Variants in BCL9 observed in about 807,000 individuals in gnomAD.
BCL9 encodes B-cell CLL/lymphoma 9 protein.
In BCL9, 25 loss-of-function variants were observed where a neutral mutation model predicts 88.5. The ratio of observed to expected loss-of-function variants is 0.28; its 90% CI spans 0.21 to 0.39. BCL9 has a LOEUF of 0.39. Ranked by LOEUF, BCL9 falls within the 10% of genes least tolerant of loss-of-function variation. BCL9 has a pLI of 1.00. For missense variants in BCL9, 1,817 were observed against 1,877.8 expected, an observed-to-expected ratio of 0.97 and a Z score of 0.60; for synonymous variants, 711 against 673.3, an observed-to-expected ratio of 1.06 and a Z score of -0.87.
chr1:147,578,832 C>T (rs587685282), intron 1 of BCL9, among the ~76,000 whole-genome samples: 73 of 151,478 alleles, frequency 4.8e-4, no homozygotes, highest in Non-Finnish European at 5.0e-4. Context: ...GGAAAGGTAC[C>T]CAGACTTGGA....
At chr1:147,598,810 T>C (rs587630401) in intron 1 of BCL9, among the ~76,000 whole-genome samples, 2 of 152,068 alleles carry the variant, frequency 1.3e-5, no homozygotes, top group African/African-American at 4.8e-5. Context: ...GTAACAACAG[T>C]GTATTCTGGG....
At chr1:147,613,230 G>A in intron 5 of BCL9, 31 bp downstream of exon 5, 1 of 1,611,254 alleles carries the variant, frequency 6.2e-7, no homozygotes, top group South Asian at 1.1e-5. Flanking sequence ...AGACTCAGAG[G>A]GAAGTAGGTG....
chr1:147,589,858 A>G (rs1351795517), intron 1 of BCL9, among the ~76,000 whole-genome samples: 3 of 152,242 alleles, frequency 2.0e-5, no homozygotes, highest in African/African-American at 7.2e-5. Flanking sequence ...ACCTAGAAGT[A>G]GAAGTTCTGA....
rs1278284883 is a variant in BCL9, at chr1:147,619,788, C to T, written c.1633C>T (p.Pro545Ser). The T allele has an allele frequency of 3.4e-5, 55 of 1,614,020 alleles. No homozygotes were observed. Among genetic ancestry groups the T allele is most frequent in the Non-Finnish European group, 4.3e-5 (51 of 1,180,028 alleles). Residue 545 changes from proline to serine, a missense_variant, in exon 8 of 10, where the codon CCC becomes TCC. Pro to Ser is a moderately conservative substitution (Grantham distance 74, BLOSUM62 -1). Coordinates refer to ENST00000234739, the MANE Select transcript of BCL9 (RefSeq NM_004326.4). The surrounding 1 kb of genome is among the most constrained non-coding windows in gnomAD (Gnocchi z 4.1). ...SDGINMPHSL[P>S]PRGMAPHPNM... ...TGGTATCAACATGCCACATTCTCTG[C>T]CCCCGAGGGGCATGGCTCCCCACCC...
chr1:147,549,226 C>T (rs1553194564), intron 1 of BCL9, among the ~76,000 whole-genome samples: 2 of 152,106 alleles, frequency 1.3e-5, no homozygotes, highest in Non-Finnish European at 2.9e-5. Context: ...ATCCACCCAC[C>T]TCAACCTCCC....
chr1:147,557,429 C>T (rs1244033600), intron 1 of BCL9, among the ~76,000 whole-genome samples: 2 of 152,164 alleles, frequency 1.3e-5, no homozygotes, highest in African/African-American at 4.8e-5. Flanking sequence ...AGTAAAGCAT[C>T]TTGTATTGAG....
rs1357872532 is a variant in BCL9 at position 147,620,617 on chromosome 1, C to T, written c.2462C>T (p.Pro821Leu). 6.2e-7 allele frequency: 1 copy of T among 1,614,094 alleles called. No individual in the cohort carries two copies. The highest frequency in any genetic ancestry group is 8.5e-7 in the Non-Finnish European group (1 of 1,180,050). The change falls in exon 8 of 10, where the codon CCT becomes CTT. Residue 821 changes from proline (P) to leucine (L), a missense_variant. This residue lies in a region of BCL9 where 1,228 missense variants were observed against 1,191.6 expected (regional missense o/e 1.03). Transcript: ENST00000234739. Reference protein sequence around the residue: ...NSRLSHMPPLPLNPSSNPTSL... With the variant: ...NSRLSHMPPLLLNPSSNPTSL... ...CGGCTCAGTCATATGCCACCACTAC[C>T]TCTCAACCCTTCCAGTAACCCCACC...
chr1:147,594,739 A>G (rs1656976138), intron 1 of BCL9, among the ~76,000 whole-genome samples: 1 of 152,210 alleles, frequency 6.6e-6, no homozygotes, highest in Admixed American at 6.5e-5. Flanking sequence ...CTAAAAAGAG[A>G]TTCAGGGAGG....
At chr1:147,588,818 G>A (rs1359260749) in intron 1 of BCL9, among the ~76,000 whole-genome samples, 1 of 152,196 alleles carries the variant, frequency 6.6e-6, no homozygotes, top group African/African-American at 2.4e-5. Flanking sequence ...ACTCCCTAAT[G>A]CTGATGTGAT....
chr1:147,562,300 G>A (rs1412071780), intron 1 of BCL9, among the ~76,000 whole-genome samples: 3 of 152,064 alleles, frequency 2.0e-5, no homozygotes, highest in African/African-American at 7.2e-5. Context: ...TTGCACTCCA[G>A]ACTGGACAAC....
At position 147,619,616 on chromosome 1, in the gene BCL9, G is replaced by T. The variant is rs782251054; in HGVS notation, c.1461G>T (p.Gln487His). The T allele has an allele frequency of 6.2e-7, 1 of 1,614,118 alleles. No homozygotes were observed. The highest frequency in any genetic ancestry group is 8.5e-7 in the Non-Finnish European group (1 of 1,180,024). Residue 487 changes from glutamine to histidine, a missense_variant, in exon 8 of 10, where the codon CAG (glutamine) becomes CAT (histidine). By Grantham distance (24) the Gln-to-His change is conservative. Transcript: ENST00000234739. This position sits in a 1 kb window ranked among gnomAD's most constrained non-coding sequence, Gnocchi z 4.1. ...TTTATGAAGAGAAGAGGAGGAAGCAGGAACAAGTGGTTGTCCAGCAGTGTT... is the reference window on the plus strand; with the variant it reads ...TTTATGAAGAGAAGAGGAGGAAGCATGAACAAGTGGTTGTCCAGCAGTGTT... ...QEFYEEKRRKQEQVVVQQCSL... is the reference protein window; with the variant it reads ...QEFYEEKRRKHEQVVVQQCSL...
At chr1:147,556,775 AC>A (rs1655134739) in intron 1 of BCL9, among the ~76,000 whole-genome samples, 1 of 152,178 alleles carries the variant, frequency 6.6e-6, no homozygotes, top group South Asian at 2.1e-4. Flanking sequence ...GTGAATGGAG[AC>A]CACAGATTAG....
chr1:147,611,979 T>C (rs1658029341), intron 4 of BCL9, 90 bp downstream of exon 4: 12 of 1,372,976 alleles, frequency 8.7e-6, no homozygotes, highest in Middle Eastern at 1.9e-4. Context: ...GTATGTTGAA[T>C]TAGAAATAAA....
intron 1 of BCL9, among the ~76,000 whole-genome samples, chr1:147,597,894 T>C (rs1263393956): frequency 6.6e-6 from 1 of 152,360 alleles, no homozygotes; most frequent in African/African-American, 2.4e-5. Context: ...CTTTGACACA[T>C]AATGGCTGCA....
At chr1:147,594,358 G>A (rs587680556) in intron 1 of BCL9, among the ~76,000 whole-genome samples, 4 of 152,306 alleles carry the variant, frequency 2.6e-5, no homozygotes, top group African/African-American at 9.6e-5. Context: ...GTTGAGCCAG[G>A]ATTACCACAG....
rs75978004 is a variant in BCL9, at chr1:147,595,602, C to A, written c.-477-9175C>A. On this transcript the variant is annotated intron_variant, in intron 1 of 9. Transcript: ENST00000234739. ...CACTGGTTTATGCCTATAATACTAA[C>A]CCTTTGGTAGGCCAAGGTAGGAGGA... 7.8e-3 allele frequency among the ~76,000 whole-genome samples: 1,180 copies of A among 152,246 alleles called. 47 individuals are homozygous for A. Among genetic ancestry groups the A allele is most frequent in the Admixed American group, 0.062 (951 of 15,288 alleles).
intron 1 of BCL9, among the ~76,000 whole-genome samples, chr1:147,561,727 CAT>C (rs1456495604): frequency 6.6e-6 from 1 of 152,192 alleles, no homozygotes; most frequent in African/African-American, 2.4e-5. Context: ...GGGAGTAAGA[CAT>C]GTACACAGAT....
At chr1:147,613,474 G>C (rs1398572533) in intron 5 of BCL9, among the ~76,000 whole-genome samples, 2 of 152,160 alleles carry the variant, frequency 1.3e-5, no homozygotes, top group Admixed American at 6.5e-5. Flanking sequence ...ATCCCTGTTC[G>C]TACACGTTTC....
At chr1:147,614,137 C>T (rs1658147558) in intron 5 of BCL9, among the ~76,000 whole-genome samples, 1 of 152,132 alleles carries the variant, frequency 6.6e-6, no homozygotes, top group Admixed American at 6.5e-5. Context: ...CTGTGAGATC[C>T]ATCCCCAGTT....
Sources: gnomAD v4.1 joint callset for allele counts (sites outside exome capture counted in the v4.1 genomes callset) on GRCh38, gnomAD v4.1.1 for gene constraint, gnomAD v4.1.1 regional missense constraint, Gnocchi (gnomAD v3.1) non-coding constraint, MANE v1.5 for transcripts, NCBI Gene and HGNC (gene_info 2026-07-23, HGNC 2026-07-21) for gene names.